GCLC: variants seen among roughly 807,000 people sequenced by gnomAD.
GCLC encodes glutamate-cysteine ligase catalytic subunit, also known as glutamate--cysteine ligase catalytic subunit.
A neutral mutation model predicts 81.5 loss-of-function variants in GCLC; 30 were observed. The observed-to-expected ratio is 0.37, with a 90% CI of 0.28 to 0.50. GCLC has a LOEUF of 0.50. Ranked by LOEUF, GCLC falls within the 20% of genes least tolerant of loss-of-function variation. GCLC has a pLI of 0.96. For synonymous variants in GCLC, 262 were observed against 273.3 expected (o/e 0.96, Z 0.41); for missense variants, 556 against 777.4 (o/e 0.72, Z 3.39).
Position 53,540,817 on chromosome 6 carries a change from C to T in GCLC, c.150+3679G>A, listed in dbSNP as rs769230388. ...GGTGATTAGATTCACATGATGATGCCGCTAGAGGAATGGTTACAGGCATCA... is the reference window on the plus strand; with the variant it reads ...GGTGATTAGATTCACATGATGATGCTGCTAGAGGAATGGTTACAGGCATCA... On this transcript the variant is annotated intron_variant, in intron 1 of 15. Coordinates refer to ENST00000650454, the MANE Select transcript of GCLC (RefSeq NM_001498.4). Among the ~76,000 whole-genome samples, 26 of 152,132 alleles carry T rather than the reference C, an allele frequency of 1.7e-4. 1 individual carries two copies. The highest frequency in any genetic ancestry group is 1.5e-3 in the South Asian group (7 of 4,810).
At chr6:53,512,995 C>T (rs191111560) in intron 6 of GCLC, 2 of 151,866 alleles carry the variant, frequency 1.3e-5, no homozygotes, top group South Asian at 2.1e-4. Context: ...TCTCTTTTTT[C>T]GTGAAGTGTG....
At chr6:53,531,716 A>T (rs1454532116) in intron 1 of GCLC, among the ~76,000 whole-genome samples, 2 of 152,208 alleles carry the variant, frequency 1.3e-5, no homozygotes, top group African/African-American at 4.8e-5. Context: ...CCACTCCTTC[A>T]GAGACCTTTG....
intron 1 of GCLC, among the ~76,000 whole-genome samples, chr6:53,540,666 G>A (rs931792440): frequency 4.6e-5 from 5 of 108,198 alleles, no homozygotes; most frequent in Non-Finnish European, 8.9e-5. Flanking sequence ...TAAGTGTCTT[G>A]CCACACACAC....
Position 53,535,489 on chromosome 6 carries a change from G to A in GCLC, c.150+9007C>T, listed in dbSNP as rs144973601. Among the ~76,000 whole-genome samples the A allele has an allele frequency of 6.6e-5, 10 of 152,078 alleles. No homozygotes were observed. In the East Asian group the frequency reaches 1.9e-3, roughly 29 times the overall value. On this transcript the variant is annotated intron_variant, in intron 1 of 15. Coordinates refer to ENST00000650454, the MANE Select transcript of GCLC (RefSeq NM_001498.4). ...AGATTGCACCGCTGCACTACAGCCT[G>A]GGCCATAGAGTGAGAACTCTGTCTC...
chr6:53,536,697 T>C (rs1423849966), intron 1 of GCLC, among the ~76,000 whole-genome samples: 1 of 152,210 alleles, frequency 6.6e-6, no homozygotes, highest in Non-Finnish European at 1.5e-5. Context: ...GTGACATCTT[T>C]TCTGAACATA....
chr6:53,516,488 T>C (rs960462583), intron 3 of GCLC, among the ~76,000 whole-genome samples: 2 of 152,182 alleles, frequency 1.3e-5, no homozygotes, highest in Non-Finnish European at 2.9e-5. Context: ...CACACAGCAC[T>C]TACTCGGGTC....
At chr6:53,523,726 C>T (rs968840330) in intron 1 of GCLC, among the ~76,000 whole-genome samples, 11 of 152,068 alleles carry the variant, frequency 7.2e-5, no homozygotes, top group African/African-American at 2.4e-4. Flanking sequence ...TTGAGTCAGC[C>T]GTCCTCATCA....
At chr6:53,513,913 G>C in intron 6 of GCLC, 1 of 362,676 alleles carries the variant, frequency 2.8e-6, no homozygotes, top group East Asian at 5.4e-5. Context: ...AAAAAGAGAA[G>C]GGAAACAATG....
chr6:53,541,675 A>G (rs1763358561), intron 1 of GCLC, among the ~76,000 whole-genome samples: 1 of 152,220 alleles, frequency 6.6e-6, no homozygotes, highest in South Asian at 2.1e-4. Context: ...AACAGAAAGG[A>G]TAGATCATAA....
intron 6 of GCLC, among the ~76,000 whole-genome samples, chr6:53,511,910 G>T (rs1372557951): frequency 1.1e-5 from 1 of 91,764 alleles, no homozygotes; most frequent in Non-Finnish European, 2.1e-5. Flanking sequence ...GGGGGGGGGG[G>T]TGGGAGGGGC....
chr6:53,522,516 C>T lies in GCLC; in HGVS notation c.162G>A (p.Met54Ile), dbSNP rs1423028597. Reference sequence around the variant, plus strand: ...TATTTTCATGATCAAAAGATACCAACATGTATTCCACCTATTGAAAATAAA... The same window carrying T: ...TATTTTCATGATCAAAAGATACCAATATGTATTCCACCTATTGAAAATAAA... ...VLKWGDEVEY[M>I]LVSFDHENKK... is the part of the protein sequence containing the mutation. Residue 54 changes from methionine to isoleucine, a missense_variant, in exon 2 of 16, where the codon ATG becomes ATA. Physicochemically the swap from Met to Ile is conservative, Grantham distance 10. This residue lies in a region of GCLC where 234 missense variants were observed against 303.8 expected (regional missense o/e 0.77). Transcript: ENST00000650454. 2.5e-6 allele frequency: 4 copies of T among 1,591,656 alleles called. No homozygotes were observed. The South Asian group carries it at 4.4e-5, about 18-fold the overall frequency.
At chr6:53,513,046 C>A (rs756941015) in intron 6 of GCLC, 18 of 152,168 alleles carry the variant, frequency 1.2e-4, no homozygotes, top group Non-Finnish European at 2.6e-4. Flanking sequence ...CTTATACTAC[C>A]TATAAATGTC....
intron 12 of GCLC, 106 bp downstream of exon 12, chr6:53,505,286 G>C (rs768152272): frequency 1.8e-5 from 13 of 709,514 alleles, no homozygotes; most frequent in Admixed American, 4.1e-5. Flanking sequence ...TTATTGCAAA[G>C]GGTAAACAAT....
chr6:53,514,193 T>A lies in GCLC; in HGVS notation c.753+11A>T. On this transcript the variant is annotated intron_variant, in intron 6 of 15. Transcript: ENST00000650454. ...GGAACACTTTGCCTCTCTGTATATT[T>A]GAAACTATACCTGGAGACAGCAATT... is the stretch of plus-strand genomic sequence containing the variant. The A allele has an allele frequency of 6.2e-7, 1 of 1,613,662 alleles. No homozygotes were observed.
chr6:53,515,672 G>A (rs1403389674), intron 4 of GCLC, among the ~76,000 whole-genome samples: 3 of 152,070 alleles, frequency 2.0e-5, no homozygotes, highest in Non-Finnish European at 4.4e-5. Flanking sequence ...GGAAGAGAGT[G>A]CCTATTATAT....
At chr6:53,520,681 T>G in intron 3 of GCLC, 97 bp downstream of exon 3, 128 of 943,142 alleles carry the variant, frequency 1.4e-4, no homozygotes, top group Middle Eastern at 2.2e-4. Flanking sequence ...CTGTAACGTA[T>G]GAGGATTGTA....
At position 53,500,478 on chromosome 6, in the gene GCLC, A is replaced by C; in HGVS notation, c.1431T>G (p.Asp477Glu). ...AATAAAACATTCCCTGCAAGACAGCATCTCTTTTCTGTGCTACCTTCATGT... is the reference window on the plus strand; with the variant it reads ...AATAAAACATTCCCTGCAAGACAGCCTCTCTTTTCTGTGCTACCTTCATGT... ...DENMKVAQKR[D>E]AVLQGMFYFR... The change falls in exon 13 of 16, where the codon GAT becomes GAG. Residue 477 changes from aspartate to glutamate, a missense_variant. Physicochemically the swap from Asp to Glu is conservative, Grantham distance 45. This residue lies in a region of GCLC where 313 missense variants were observed against 437.3 expected (regional missense o/e 0.72). Coordinates refer to ENST00000650454, the MANE Select transcript of GCLC (RefSeq NM_001498.4). The C allele has an allele frequency of 1.9e-6, 3 of 1,612,386 alleles. No individual in the cohort carries two copies. Among genetic ancestry groups the C allele is most frequent in the Non-Finnish European group, 2.5e-6 (3 of 1,178,498 alleles).
chr6:53,537,650 T>C (rs1400269380), intron 1 of GCLC, among the ~76,000 whole-genome samples: 1 of 150,218 alleles, frequency 6.7e-6, no homozygotes, highest in Non-Finnish European at 1.5e-5. Context: ...CATAAATACA[T>C]AATATTAAAA....
At position 53,528,873 on chromosome 6, in the gene GCLC, C is replaced by T. The variant is rs17878643; in HGVS notation, c.151-6346G>A. On this transcript the variant is annotated intron_variant, in intron 1 of 15. Transcript: ENST00000650454. Reference sequence around the variant, plus strand: ...AACAGAGAAAACATTCTTAACTTGCCTAGATTAGTGATATGAGTCCCAAGA... The same window carrying T: ...AACAGAGAAAACATTCTTAACTTGCTTAGATTAGTGATATGAGTCCCAAGA... Among the ~76,000 whole-genome samples the T allele has an allele frequency of 4.5e-3, 678 of 152,194 alleles. 7 individuals carry two copies. The highest frequency in any genetic ancestry group is 0.015 in the African/African-American group (637 of 41,518).
Sources: gnomAD v4.1 joint callset for allele counts (sites outside exome capture counted in the v4.1 genomes callset) on GRCh38, gnomAD v4.1.1 for gene constraint, gnomAD v4.1.1 regional missense constraint, MANE v1.5 for transcripts, NCBI Gene and HGNC (gene_info 2026-07-23, HGNC 2026-07-21) for gene names.